Variants in WFDC9 observed in about 807,000 individuals in gnomAD.
The protein encoded by WFDC9 is WAP four-disulfide core domain 9.
A neutral mutation model predicts 9.5 loss-of-function variants in WFDC9; 9 were observed. The ratio of observed to expected loss-of-function variants is 0.95; its 90% CI spans 0.57 to 1.65. The LOEUF (loss-of-function observed/expected upper bound fraction) is 1.65, where lower values mean the gene tolerates loss of function less well. Ranked by LOEUF, WFDC9 falls within the 40% of genes most tolerant of loss-of-function variation. The pLI is 0.00. For synonymous variants in WFDC9, 33 were observed against 32.3 expected (o/e 1.02, Z -0.07); for missense variants, 87 against 106.7 (o/e 0.82, Z 0.81).
chr20:45,608,153 A>G lies in WFDC9; in HGVS notation c.240-13T>C. ...TTTAAGGGGCTCTCTAGAAGAGAAAAGTTAGTCAAAAGTCAAGAATCCTGG... is the reference window on the plus strand; with the variant it reads ...TTTAAGGGGCTCTCTAGAAGAGAAAGGTTAGTCAAAAGTCAAGAATCCTGG... On this transcript the variant is annotated splice_polypyrimidine_tract_variant and intron_variant, in intron 4 of 4. Coordinates refer to ENST00000326000, the MANE Select transcript of WFDC9 (RefSeq NM_147198.4). The G allele has an allele frequency of 1.2e-6, 2 of 1,608,944 alleles. No homozygotes were observed. The highest frequency in any genetic ancestry group is 1.7e-6 in the Non-Finnish European group (2 of 1,178,632).
intron 2 of WFDC9, among the ~76,000 whole-genome samples, chr20:45,612,954 A>G (rs1981893815): frequency 6.6e-6 from 1 of 152,264 alleles, no homozygotes; most frequent in Non-Finnish European, 1.5e-5. Flanking sequence ...GAATTGCATC[A>G]TTGCATGAAC....
chr20:45,619,243 G>A (rs907036524), intron 1 of WFDC9, among the ~76,000 whole-genome samples: 1 of 152,184 alleles, frequency 6.6e-6, no homozygotes. Flanking sequence ...CCCAGCTGCT[G>A]GAGAGCTGAG....
intron 1 of WFDC9, chr20:45,630,821 A>G (rs1230441635): frequency 1.3e-6 from 2 of 1,510,502 alleles, no homozygotes; most frequent in East Asian, 4.9e-5. Context: ...CTTGAGAAAA[A>G]TGTTCTCTAG....
At position 45,612,073 on chromosome 20, in the gene WFDC9, G is replaced by A. The variant is rs1474405787; in HGVS notation, c.-58-1834C>T. Among the ~76,000 whole-genome samples, 7 of 152,204 alleles carry A rather than the reference G, an allele frequency of 4.6e-5. No individual in the cohort carries two copies. The East Asian group carries it at 1.3e-3, about 29-fold the overall frequency. Reference sequence around the variant, plus strand: ...ATATCAATACTCATCTCATCTCATAGGGTCACTGGGAAGATTAAATAATAT... The same window carrying A: ...ATATCAATACTCATCTCATCTCATAAGGTCACTGGGAAGATTAAATAATAT... On this transcript the variant is annotated intron_variant, in intron 2 of 4. Coordinates refer to ENST00000326000, the MANE Select transcript of WFDC9 (RefSeq NM_147198.4).
Position 45,630,203 on chromosome 20 carries a change from A to C in WFDC9, c.-153+1000T>G, listed in dbSNP as rs1982324609. 2.0e-5 allele frequency among the ~76,000 whole-genome samples: 3 copies of C among 151,366 alleles called. No individual in the cohort carries two copies. The South Asian group carries it at 6.3e-4, about 32-fold the overall frequency. On this transcript the variant is annotated intron_variant, in intron 1 of 4. Transcript: ENST00000326000. ...ACCAGGGCTGAGAATCCAGTGGGGA[A>C]AGCAAGACAATTATTATTTGATTTA...
chr20:45,609,063 A>G (rs1464096134), intron 3 of WFDC9, among the ~76,000 whole-genome samples: 2 of 152,194 alleles, frequency 1.3e-5, no homozygotes, highest in Non-Finnish European at 2.9e-5. Context: ...CCCTGACCAT[A>G]TATGACACCA....
intron 1 of WFDC9, among the ~76,000 whole-genome samples, chr20:45,617,252 C>T (rs1316345916): frequency 1.3e-5 from 2 of 152,158 alleles, no homozygotes; most frequent in Admixed American, 6.5e-5. Flanking sequence ...GTCAGAATTT[C>T]GAGACCAGCC....
intron 2 of WFDC9, among the ~76,000 whole-genome samples, chr20:45,611,648 A>C (rs910693746): frequency 2.0e-5 from 3 of 152,188 alleles, no homozygotes; most frequent in Non-Finnish European, 2.9e-5. Flanking sequence ...TCTCGTTATA[A>C]AAATGTCCTG....
chr20:45,618,184 G>T (rs1366117644), intron 1 of WFDC9, among the ~76,000 whole-genome samples: 4 of 152,110 alleles, frequency 2.6e-5, no homozygotes, highest in Non-Finnish European at 5.9e-5. Flanking sequence ...AAACTTTTCT[G>T]CTGCAGCTTC....
intron 1 of WFDC9, among the ~76,000 whole-genome samples, chr20:45,622,076 TG>T (rs1409697408): frequency 6.6e-6 from 1 of 152,222 alleles, no homozygotes; most frequent in African/African-American, 2.4e-5. Context: ...GGTCTTTGTG[TG>T]GTAAGCATTC....
intron 1 of WFDC9, among the ~76,000 whole-genome samples, chr20:45,617,818 T>A (rs768336440): frequency 6.6e-6 from 1 of 152,208 alleles, no homozygotes; most frequent in Non-Finnish European, 1.5e-5. Context: ...GAAGCCTTAC[T>A]AATAACATAA....
chr20:45,629,753 G>T, intron 1 of WFDC9: 1 of 1,575,628 alleles, frequency 6.3e-7, no homozygotes, highest in Non-Finnish European at 8.6e-7. Context: ...TCCGTAGACA[G>T]CTCTGCAGGG....
At chr20:45,625,259 A>T (rs998121593) in intron 1 of WFDC9, among the ~76,000 whole-genome samples, 1 of 152,154 alleles carries the variant, frequency 6.6e-6, no homozygotes, top group African/African-American at 2.4e-5. Flanking sequence ...TAAGAACAGC[A>T]TGGGGGAAAC....
chr20:45,630,024 A>T (rs1407755252), intron 1 of WFDC9: 3 of 1,387,838 alleles, frequency 2.2e-6, no homozygotes, highest in South Asian at 2.8e-5. Context: ...TCTGACCACA[A>T]TGTTGTGTAG....
At chr20:45,618,010 C>A (rs1022559430) in intron 1 of WFDC9, among the ~76,000 whole-genome samples, 1 of 152,208 alleles carries the variant, frequency 6.6e-6, no homozygotes, top group Non-Finnish European at 1.5e-5. Context: ...TGAACCCGCA[C>A]AGTTCAAATC....
At chr20:45,608,334 G>A (rs995077878) in intron 4 of WFDC9, among the ~76,000 whole-genome samples, 194 bp from the exon 5 acceptor site, 3 of 152,144 alleles carry the variant, frequency 2.0e-5, no homozygotes, top group Admixed American at 2.0e-4. Flanking sequence ...CCTTGGGCCT[G>A]GCTGAGAGTA....
chr20:45,612,144 T>G (rs561926657), intron 2 of WFDC9, among the ~76,000 whole-genome samples: 13 of 152,338 alleles, frequency 8.5e-5, no homozygotes, highest in Admixed American at 3.9e-4. Context: ...ATATACTTCA[T>G]AAATGTTAAC....
At chr20:45,625,985 C>T (rs1982211198) in intron 1 of WFDC9, among the ~76,000 whole-genome samples, 1 of 151,576 alleles carries the variant, frequency 6.6e-6, no homozygotes, top group Non-Finnish European at 1.5e-5. Context: ...CCATGTTCGT[C>T]TAATTTTTGT....
intron 1 of WFDC9, among the ~76,000 whole-genome samples, chr20:45,621,932 T>C (rs962399010): frequency 2.0e-5 from 3 of 152,230 alleles, no homozygotes; most frequent in Non-Finnish European, 4.4e-5. Context: ...TGAGTCCTCC[T>C]AGTAAAGCAC....
Sources: gnomAD v4.1 joint callset for allele counts (sites outside exome capture counted in the v4.1 genomes callset) on GRCh38, gnomAD v4.1.1 for gene constraint, MANE v1.5 for transcripts, NCBI Gene and HGNC (gene_info 2026-07-23, HGNC 2026-07-21) for gene names.